ACTR3C: variants seen among roughly 807,000 people sequenced by gnomAD.
ACTR3C encodes the protein actin related protein 3C, also known as actin-related protein 3C.
A neutral mutation model predicts 26.3 loss-of-function variants in ACTR3C; 18 were observed. The observed-to-expected ratio is 0.68, with a 90% CI of 0.47 to 1.01. The LOEUF is 1.01. Among genes scored for constraint, ACTR3C ranks in the 50% least tolerant of loss-of-function variants. The pLI, the probability that ACTR3C is intolerant of heterozygous loss-of-function variation, is 0.00. For synonymous variants in ACTR3C, 55 were observed against 94.5 expected, an observed-to-expected ratio of 0.58 and a Z score of 2.42; for missense variants, 184 against 250.7, an observed-to-expected ratio of 0.73 and a Z score of 1.80.
chr7:150,205,336 G>C, the ACTR3C span, among the ~76,000 whole-genome samples: 3 of 152,158 alleles, frequency 2.0e-5, no homozygotes, highest in Admixed American at 6.5e-5. Context: ...TTTCGTTAGA[G>C]CTTATTTGAT....
the ACTR3C span, among the ~76,000 whole-genome samples, chr7:149,932,491 G>A: frequency 0.042 from 6,445 of 152,092 alleles, 466 homozygotes; most frequent in African/African-American, 0.15. Context: ...TAAATTATAC[G>A]TCAAGGAAGC....
the ACTR3C span, among the ~76,000 whole-genome samples, chr7:149,972,424 C>T: frequency 5.1e-4 from 78 of 152,238 alleles, 1 homozygote; most frequent in Non-Finnish European, 1.0e-3. Context: ...TGTCCACGTT[C>T]CCATCTGCCT....
At chr7:150,056,251 C>T in the ACTR3C span, among the ~76,000 whole-genome samples, 1 of 152,070 alleles carries the variant, frequency 6.6e-6, no homozygotes, top group East Asian at 1.9e-4. Flanking sequence ...AAAAGAAATA[C>T]CCCACACAGG....
At chr7:150,086,291 A>G in the ACTR3C span, among the ~76,000 whole-genome samples, 1 of 152,228 alleles carries the variant, frequency 6.6e-6, no homozygotes, top group Non-Finnish European at 1.5e-5. Flanking sequence ...CATTATTTTG[A>G]CCAGAACAAT....
chr7:150,177,944 A>G, the ACTR3C span, among the ~76,000 whole-genome samples: 2 of 150,834 alleles, frequency 1.3e-5, no homozygotes, highest in Non-Finnish European at 2.9e-5. Flanking sequence ...TTATCCGTAA[A>G]TTTTATTTAA....
the ACTR3C span, among the ~76,000 whole-genome samples, chr7:150,144,877 G>A: frequency 2.4e-4 from 36 of 151,998 alleles, no homozygotes; most frequent in South Asian, 7.1e-3. The surrounding 1 kb of genome is among the most constrained non-coding windows in gnomAD (Gnocchi z 4.6). Flanking sequence ...GTGAAACCCC[G>A]TCTCTACTAA....
the ACTR3C span, among the ~76,000 whole-genome samples, chr7:150,119,573 G>C: frequency 1.3e-5 from 2 of 150,958 alleles, no homozygotes; most frequent in Non-Finnish European, 2.9e-5. Flanking sequence ...GGAGCACCCA[G>C]ATTCATAAAG....
At chr7:149,946,544 T>C in the ACTR3C span, among the ~76,000 whole-genome samples, 1 of 152,156 alleles carries the variant, frequency 6.6e-6, no homozygotes, top group African/African-American at 2.4e-5. Context: ...CCAGGATTGG[T>C]TTCCCCCATC....
At chr7:150,319,995 C>T (rs545127297) in intron 1 of ACTR3C, among the ~76,000 whole-genome samples, 5 of 152,354 alleles carry the variant, frequency 3.3e-5, no homozygotes, top group Non-Finnish European at 7.3e-5. Flanking sequence ...CTTCCTCTGC[C>T]AATCCATCCC....
the ACTR3C span, among the ~76,000 whole-genome samples, chr7:150,236,604 T>C: frequency 1.1e-4 from 16 of 151,716 alleles, no homozygotes; most frequent in East Asian, 3.1e-3. Context: ...CTTTCTGCCA[T>C]GATGAAAGAC....
the ACTR3C span, among the ~76,000 whole-genome samples, chr7:150,234,097 C>T: frequency 2.6e-5 from 4 of 152,156 alleles, 1 homozygote; most frequent in African/African-American, 9.7e-5. Flanking sequence ...ATATACTCCT[C>T]CACAGAGAGT....
At chr7:150,117,553 G>T in the ACTR3C span, among the ~76,000 whole-genome samples, 1 of 152,336 alleles carries the variant, frequency 6.6e-6, no homozygotes, top group East Asian at 1.9e-4. Flanking sequence ...TCTGGGCAGG[G>T]CATCTCTGAA....
intron 6 of ACTR3C, among the ~76,000 whole-genome samples, chr7:150,280,614 G>A (rs1250042042): frequency 2.0e-5 from 3 of 152,060 alleles, no homozygotes; most frequent in Non-Finnish European, 4.4e-5. Flanking sequence ...AAGAGGGTAC[G>A]GTGTAGTGGA....
chr7:150,107,582 A>G, the ACTR3C span, among the ~76,000 whole-genome samples: 1 of 152,044 alleles, frequency 6.6e-6, no homozygotes. Context: ...GCTGCCGTGA[A>G]GCAGGAGTGT....
the ACTR3C span, among the ~76,000 whole-genome samples, chr7:149,897,061 C>CAA: frequency 7.5e-4 from 38 of 50,950 alleles, no homozygotes; most frequent in Middle Eastern, 0.012. Context: ...ACACCGTCTC[C>CAA]AAAAAAAAAA....
the ACTR3C span, among the ~76,000 whole-genome samples, chr7:150,139,868 A>G: frequency 6.6e-6 from 1 of 152,166 alleles, no homozygotes; most frequent in Non-Finnish European, 1.5e-5. Context: ...TCATGTCCTC[A>G]GGCAGTGATA....
the ACTR3C span, among the ~76,000 whole-genome samples, chr7:149,946,695 C>T: frequency 5.3e-5 from 8 of 152,138 alleles, no homozygotes; most frequent in African/African-American, 1.9e-4. Context: ...TTTTAAGTTC[C>T]AAATTGAAGG....
chr7:150,037,616 T>C, the ACTR3C span, among the ~76,000 whole-genome samples: 2 of 77,556 alleles, frequency 2.6e-5, no homozygotes, highest in Admixed American at 1.3e-4. Flanking sequence ...CCACGTAAGG[T>C]ACCTGCCGTC....
At chr7:150,162,213 C>T in the ACTR3C span, among the ~76,000 whole-genome samples, 1 of 152,142 alleles carries the variant, frequency 6.6e-6, no homozygotes, top group Non-Finnish European at 1.5e-5. Context: ...TCTTCACATC[C>T]AGGGTTGGCT....
Sources: gnomAD v4.1 joint callset for allele counts (sites outside exome capture counted in the v4.1 genomes callset) on GRCh38, gnomAD v4.1.1 for gene constraint, Gnocchi (gnomAD v3.1) non-coding constraint, MANE v1.5 for transcripts, NCBI Gene and HGNC (gene_info 2026-07-23, HGNC 2026-07-21) for gene names.